Variants in NREP observed in about 807,000 individuals in gnomAD.
NREP encodes neuronal regeneration related protein, also known as neuronal regeneration-related protein.
In NREP, 5 loss-of-function variants were observed where a neutral mutation model predicts 8.6. That is an observed-to-expected ratio of 0.58 (90% CI 0.30 to 1.22). NREP has a LOEUF of 1.22. NREP is among the 50% of genes most tolerant of loss of function. The pLI is 0.07. For missense variants in NREP, 86 were observed against 82.5 expected (o/e 1.04, Z -0.17); for synonymous variants, 27 against 28.0 (o/e 0.96, Z 0.11).
chr5:111,758,135 C>T (rs372595482), upstream of NREP: 21 of 985,370 alleles, frequency 2.1e-5, no homozygotes, highest in East Asian at 3.4e-4. Flanking sequence ...CAGCTGGGTA[C>T]GCGCGCCCCA....
chr5:111,767,074 T>C (rs1048350040), intron 2 of NREP, among the ~76,000 whole-genome samples: 48 of 152,156 alleles, frequency 3.2e-4, no homozygotes, highest in Admixed American at 1.7e-3. Flanking sequence ...AAAGCCTCAA[T>C]TGGTAACACA....
At chr5:111,835,623 A>G (rs1451051324) in intron 2 of NREP, among the ~76,000 whole-genome samples, 1 of 152,118 alleles carries the variant, frequency 6.6e-6, no homozygotes, top group African/African-American at 2.4e-5. Context: ...ACCAAGATAG[A>G]AGATCAGATA....
intron 2 of NREP, among the ~76,000 whole-genome samples, chr5:111,923,480 G>C (rs909455227): frequency 2.0e-5 from 3 of 152,180 alleles, no homozygotes; most frequent in Non-Finnish European, 4.4e-5. Flanking sequence ...TTTTTAGTTG[G>C]GCTGCAGATC....
chr5:111,894,629 T>A lies in NREP; in HGVS notation c.135+80645A>T, dbSNP rs115978403. The stretch of plus-strand genomic sequence containing the variant: ...GTGATTCTCCAGTTCCAAAGACAAA[T>A]TAACCTACTGATTCAAAGCAACAAA... On this transcript the variant is annotated intron_variant, in intron 2 of 3. Transcript: ENST00000395634. 7.9e-3 allele frequency among the ~76,000 whole-genome samples: 1,204 copies of A among 152,216 alleles called. 12 individuals carry two copies. Among genetic ancestry groups the A allele is most frequent in the African/African-American group, 0.027 (1,128 of 41,538 alleles).
chr5:111,877,292 T>A (rs1367726193), intron 2 of NREP, among the ~76,000 whole-genome samples: 1 of 152,192 alleles, frequency 6.6e-6, no homozygotes, highest in Non-Finnish European at 1.5e-5. Flanking sequence ...GATTGCCCTG[T>A]CACTTTTCAA....
At chr5:111,786,612 T>A (rs1384592662) in intron 2 of NREP, among the ~76,000 whole-genome samples, 1 of 152,226 alleles carries the variant, frequency 6.6e-6, no homozygotes, top group East Asian at 1.9e-4. Flanking sequence ...TTTCCCACTC[T>A]TGTCACTTTC....
chr5:111,834,951 T>G (rs1312222078), intron 2 of NREP, among the ~76,000 whole-genome samples: 1 of 152,214 alleles, frequency 6.6e-6, no homozygotes, highest in African/African-American at 2.4e-5. Context: ...TTTGCACATG[T>G]AAGCAAGATC....
intron 2 of NREP, among the ~76,000 whole-genome samples, chr5:111,784,940 G>A (rs2047516): frequency 2.6e-5 from 4 of 152,160 alleles, no homozygotes; most frequent in South Asian, 2.1e-4. Flanking sequence ...GCTTGAGCAG[G>A]GGGGAGCTGC....
At chr5:111,809,868 G>GGCGC (rs139310678) in intron 2 of NREP, among the ~76,000 whole-genome samples, 63 of 102,638 alleles carry the variant, frequency 6.1e-4, no homozygotes, top group East Asian at 2.3e-3. Context: ...CTGGGACTTT[G>GGCGC]GCGTGTGTGT....
chr5:111,949,701 T>G lies in NREP; in HGVS notation c.135+25573A>C, dbSNP rs141952175. On this transcript the variant is annotated intron_variant, in intron 2 of 3. Transcript: ENST00000395634. ...GGTGTTTCGTTTTCTGTTTCTGTGT[T>G]AGTTTGCTGAAAATGATGGGTTCCA... Among the ~76,000 whole-genome samples the G allele has an allele frequency of 1.0e-3, 154 of 152,198 alleles. 2 individuals carry two copies. The highest frequency in any genetic ancestry group is 3.5e-3 in the African/African-American group (146 of 41,536).
At chr5:111,766,809 A>G (rs1412066629) in intron 2 of NREP, among the ~76,000 whole-genome samples, 2 of 152,216 alleles carry the variant, frequency 1.3e-5, no homozygotes, top group Non-Finnish European at 2.9e-5. Context: ...GGCCCAAGAA[A>G]GGGTGGGTGA....
At chr5:111,749,959 AGT>A (rs760168193) in intron 2 of NREP, among the ~76,000 whole-genome samples, 5 of 152,088 alleles carry the variant, frequency 3.3e-5, no homozygotes, top group African/African-American at 1.2e-4. Flanking sequence ...TAAGTGAGTG[AGT>A]GTGTGTGTTC....
intron 2 of NREP, among the ~76,000 whole-genome samples, chr5:111,793,603 C>A (rs1446899796): frequency 1.3e-5 from 2 of 152,150 alleles, no homozygotes; most frequent in Non-Finnish European, 2.9e-5. Context: ...GGAACACAGT[C>A]ACAAACACAC....
chr5:111,741,999 G>C (rs1251491720), intron 2 of NREP, among the ~76,000 whole-genome samples: 1 of 152,116 alleles, frequency 6.6e-6, no homozygotes, highest in Non-Finnish European at 1.5e-5. Flanking sequence ...CACTCCTTGA[G>C]TTTCATTGCC....
intron 2 of NREP, among the ~76,000 whole-genome samples, chr5:111,817,998 G>A (rs1752433048): frequency 6.6e-6 from 1 of 152,090 alleles, no homozygotes; most frequent in Non-Finnish European, 1.5e-5. Flanking sequence ...TCTTTGGTAG[G>A]TGAAAGAAAG....
chr5:111,942,651 A>G (rs532570828), intron 2 of NREP, among the ~76,000 whole-genome samples: 1 of 152,042 alleles, frequency 6.6e-6, no homozygotes, highest in African/African-American at 2.4e-5. Flanking sequence ...TTAAAAAAAA[A>G]CAGCATCAGA....
chr5:111,922,673 T>C (rs1447049393), intron 2 of NREP, among the ~76,000 whole-genome samples: 5 of 152,178 alleles, frequency 3.3e-5, no homozygotes, highest in East Asian at 1.9e-4. Flanking sequence ...TTTGGACACA[T>C]TGATAAGTTT....
intron 2 of NREP, among the ~76,000 whole-genome samples, chr5:111,866,280 A>G (rs567693117): frequency 6.6e-6 from 1 of 152,300 alleles, no homozygotes; most frequent in East Asian, 1.9e-4. Context: ...TCCACAATCT[A>G]CAATGAACTC....
At position 111,730,988 on chromosome 5, in the gene NREP, G is replaced by T. The variant is rs751524586; in HGVS notation, c.140C>A (p.Ala47Asp). The change falls in exon 4 of 4, where the codon GCC (alanine) becomes GAC (aspartate). Residue 47 changes from alanine (A) to aspartate (D), a missense_variant. Physicochemically the swap from Ala to Asp is moderately radical, Grantham distance 126. Transcript: ENST00000257435. Reference sequence around the variant, plus strand: ...ACTGCTGCCCAGTGGAGTCAGGGAGGCAGCGTTTGTCTCATCGTTCTTCTT... The same window carrying T: ...ACTGCTGCCCAGTGGAGTCAGGGAGTCAGCGTTTGTCTCATCGTTCTTCTT... ...NRKKNDETNA[A>D]SLTPLGSSEL... The T allele has an allele frequency of 1.2e-6, 2 of 1,613,912 alleles. No homozygotes were observed. Among genetic ancestry groups the T allele is most frequent in the Middle Eastern group, 1.7e-4 (1 of 6,054 alleles).
Sources: gnomAD v4.1 joint callset for allele counts (sites outside exome capture counted in the v4.1 genomes callset) on GRCh38, gnomAD v4.1.1 for gene constraint, MANE v1.5 for transcripts, NCBI Gene and HGNC (gene_info 2026-07-23, HGNC 2026-07-21) for gene names.